TRAPPC9: variants seen among roughly 807,000 people sequenced by gnomAD.
TRAPPC9 encodes trafficking protein particle complex subunit 9.
In TRAPPC9, 83 loss-of-function variants were observed where a neutral mutation model predicts 124.0. That is an observed-to-expected ratio of 0.67 (90% CI 0.56 to 0.80). TRAPPC9 has a LOEUF of 0.80. Among genes scored for constraint, TRAPPC9 ranks in the 30% least tolerant of loss-of-function variants. TRAPPC9 has a pLI of 0.00. For missense variants in TRAPPC9, 1,302 were observed against 1,508.3 expected (o/e 0.86, Z 2.27); for synonymous variants, 638 against 617.5 (o/e 1.03, Z -0.49).
intron 19 of TRAPPC9, among the ~76,000 whole-genome samples, chr8:139,923,586 C>T (rs1175524388): frequency 6.6e-6 from 1 of 150,642 alleles, no homozygotes; most frequent in African/African-American, 2.4e-5. Flanking sequence ...GCCTCCTTCT[C>T]TCCCTGTGCT....
At chr8:140,139,197 G>A (rs4503077) in intron 17 of TRAPPC9, among the ~76,000 whole-genome samples, 69,807 of 151,850 alleles carry the variant, frequency 0.46, 16,154 homozygotes, top group Middle Eastern at 0.52. Context: ...GGAATGGTGG[G>A]TTCCTGCCAC....
At chr8:139,769,740 G>A (rs1244745657) in intron 21 of TRAPPC9, among the ~76,000 whole-genome samples, 3 of 152,244 alleles carry the variant, frequency 2.0e-5, no homozygotes, top group Non-Finnish European at 4.4e-5. Context: ...TCATAGGTCA[G>A]AGAAAATGAG....
chr8:140,175,028 G>A (rs1019317330), intron 17 of TRAPPC9, among the ~76,000 whole-genome samples: 4 of 144,564 alleles, frequency 2.8e-5, no homozygotes, highest in East Asian at 4.0e-4. Context: ...TACTGTAACC[G>A]AAAGTCAAAG....
chr8:140,427,364 A>C (rs1284606491), intron 4 of TRAPPC9, among the ~76,000 whole-genome samples: 3 of 148,148 alleles, frequency 2.0e-5, no homozygotes, highest in Admixed American at 7.0e-5. Flanking sequence ...ATCTCTCTAT[A>C]TATATATCTC....
chr8:139,891,787 G>C (rs1219138342), intron 20 of TRAPPC9, among the ~76,000 whole-genome samples: 2 of 152,220 alleles, frequency 1.3e-5, no homozygotes, highest in Non-Finnish European at 1.5e-5. Flanking sequence ...CCATCTCCAG[G>C]GTGCGTGCTG....
chr8:139,824,914 G>A (rs1825517648), intron 21 of TRAPPC9, among the ~76,000 whole-genome samples: 2 of 152,134 alleles, frequency 1.3e-5, no homozygotes, highest in Non-Finnish European at 2.9e-5. Flanking sequence ...GGCCCGGTTG[G>A]GTGTGATGGG....
At chr8:139,735,160 G>A (rs894458537) in intron 21 of TRAPPC9, among the ~76,000 whole-genome samples, 1 of 152,220 alleles carries the variant, frequency 6.6e-6, no homozygotes, top group African/African-American at 2.4e-5. Context: ...AGAAGGACCT[G>A]AGCTTGAGCG....
chr8:140,346,637 C>G (rs945634650), intron 9 of TRAPPC9, among the ~76,000 whole-genome samples: 1 of 152,206 alleles, frequency 6.6e-6, no homozygotes, highest in African/African-American at 2.4e-5. Flanking sequence ...CAATATTTTT[C>G]TATCCAAGAT....
intron 21 of TRAPPC9, among the ~76,000 whole-genome samples, chr8:139,853,553 G>A (rs1827625672): frequency 6.6e-6 from 1 of 152,186 alleles, no homozygotes. Context: ...ACAAAGGAAG[G>A]AAATAATAAA....
chr8:139,938,794 C>T (rs1036701758), intron 19 of TRAPPC9, among the ~76,000 whole-genome samples: 1 of 150,794 alleles, frequency 6.6e-6, no homozygotes, highest in African/African-American at 2.4e-5. Flanking sequence ...TACAGGCGCC[C>T]GCCACCACGC....
At chr8:140,021,695 C>A (rs897378870) in intron 18 of TRAPPC9, among the ~76,000 whole-genome samples, 1 of 152,210 alleles carries the variant, frequency 6.6e-6, no homozygotes, top group African/African-American at 2.4e-5. Context: ...TTGGAAGTGT[C>A]GGCTTAAGGA....
At chr8:139,733,576 G>C (rs1020860621) in intron 21 of TRAPPC9, among the ~76,000 whole-genome samples, 1 of 152,208 alleles carries the variant, frequency 6.6e-6, no homozygotes, top group Non-Finnish European at 1.5e-5. Context: ...CGTGGCCCTG[G>C]GAGCCAGCCT....
At chr8:140,099,127 G>GCGCAGCTGCAGGAGTGCCGCAGTC (rs1311226587) in intron 17 of TRAPPC9, 15 of 152,150 alleles carry the variant, frequency 9.9e-5, no homozygotes, top group African/African-American at 3.6e-4. Context: ...AGGTCTCAGT[G>GCGCAGCTGCAGGAGTGCCGCAGTC]CGCAGCTGCA....
chr8:139,792,611 G>A (rs1452789565), intron 21 of TRAPPC9, among the ~76,000 whole-genome samples: 1 of 152,186 alleles, frequency 6.6e-6, no homozygotes, highest in East Asian at 1.9e-4. Context: ...CAGCCTAGAA[G>A]CCCTGCTACC....
chr8:140,137,442 G>C (rs1440297211), intron 17 of TRAPPC9, among the ~76,000 whole-genome samples: 4 of 151,432 alleles, frequency 2.6e-5, no homozygotes, highest in Non-Finnish European at 5.9e-5. Flanking sequence ...CCAAAGTCCA[G>C]ATCACTCTGG....
chr8:139,885,766 C>T, intron 21 of TRAPPC9, 113 bp downstream of exon 21: 1 of 1,017,188 alleles, frequency 9.8e-7, no homozygotes, highest in Admixed American at 2.0e-5. Flanking sequence ...TGATGACCTT[C>T]AGTACCCACC....
chr8:140,231,261 A>C (rs7005540), intron 16 of TRAPPC9, among the ~76,000 whole-genome samples: 100,382 of 151,936 alleles, frequency 0.66, 33,541 homozygotes, highest in Admixed American at 0.73. Context: ...CAGTGATGCA[A>C]GGACACTCCC....
intron 19 of TRAPPC9, among the ~76,000 whole-genome samples, chr8:139,925,931 G>T (rs1194309240): frequency 3.3e-5 from 5 of 152,168 alleles, no homozygotes; most frequent in Non-Finnish European, 7.3e-5. Context: ...CCACACACGT[G>T]TCTCAGCCTG....
At chr8:140,033,664 T>TGTTTTTTTTTTTTTG (rs61417850) in intron 17 of TRAPPC9, among the ~76,000 whole-genome samples, 3 of 76,268 alleles carry the variant, frequency 3.9e-5, no homozygotes, top group South Asian at 3.7e-4. Flanking sequence ...TGTGGTTTTT[T>TGTTTTTTTTTTTTTG]TTTTTTTTTT....
Sources: gnomAD v4.1 joint callset for allele counts (sites outside exome capture counted in the v4.1 genomes callset) on GRCh38, gnomAD v4.1.1 for gene constraint, MANE v1.5 for transcripts, NCBI Gene and HGNC (gene_info 2026-07-23, HGNC 2026-07-21) for gene names.